MUC4: variants seen among roughly 807,000 people sequenced by gnomAD.
The protein encoded by MUC4 is mucin-4.
MUC4 carries 202 observed loss-of-function variants against 257.9 expected under a neutral mutation model. The observed-to-expected ratio is 0.78, with a 90% CI of 0.70 to 0.88. The LOEUF (loss-of-function observed/expected upper bound fraction) is 0.88. MUC4 is among the 40% of genes least tolerant of loss of function. The probability of loss-of-function intolerance (pLI) is 0.00; values close to 1 mark genes in which losing one functional copy is unlikely to be tolerated. For missense variants in MUC4, 5,976 were observed against 6,513.7 expected (o/e 0.92, Z 2.84); for synonymous variants, 2,351 against 2,757.1 (o/e 0.85, Z 4.62).
At chr3:195,749,886 G>A (rs1179951708) in intron 23 of MUC4, 2 of 152,290 alleles carry the variant, frequency 1.3e-5, no homozygotes, top group African/African-American at 4.8e-5. Flanking sequence ...TGTTAAGTTT[G>A]TGTTTCCTAA....
intron 19 of MUC4, 38 bp from the exon 20 acceptor site, chr3:195,753,268 G>A: frequency 6.3e-7 from 1 of 1,597,800 alleles, no homozygotes; most frequent in Non-Finnish European, 8.6e-7. Context: ...CAGCGCGCAG[G>A]GCAGCAGAGG....
intron 24 of MUC4, among the ~76,000 whole-genome samples, chr3:195,747,845 A>C (rs1319650439): frequency 6.6e-6 from 1 of 152,284 alleles, no homozygotes; most frequent in African/African-American, 2.4e-5. Flanking sequence ...TGGGGGACAG[A>C]GCAAGACTCC....
rs1023520886 is a variant in MUC4 at position 195,757,037 on chromosome 3, C to T, written c.15168+110G>A. ...CTCTACTCACCTACCACTGCTCCACCCATCTCCCAACACAGACACACCCAG... is the reference window on the plus strand; with the variant it reads ...CTCTACTCACCTACCACTGCTCCACTCATCTCCCAACACAGACACACCCAG... On this transcript the variant is annotated intron_variant, in intron 18 of 24. Coordinates refer to ENST00000463781, the MANE Select transcript of MUC4 (RefSeq NM_018406.7). This position sits in a 1 kb window ranked among gnomAD's most constrained non-coding sequence, Gnocchi z 4.8. The T allele has an allele frequency of 8.9e-7, 1 of 1,128,694 alleles. No homozygotes were observed. Among genetic ancestry groups the T allele is most frequent in the African/African-American group, 1.6e-5 (1 of 64,468 alleles). 69.9% of individuals were successfully genotyped at this position (1,128,694 alleles called of 1,614,324 possible). A position where few individuals can be genotyped will look rare whatever the true frequency, so the allele number is the denominator to read the frequency against.
At position 195,750,816 on chromosome 3, in the gene MUC4, G is replaced by GT. The variant is rs1716242653; in HGVS notation, c.15871+72dup. The GT allele has an allele frequency of 2.2e-6, 3 of 1,363,210 alleles. No individual in the cohort carries two copies. In the East Asian group the frequency reaches 7.0e-5, roughly 32 times the overall value. 84.4% of individuals were successfully genotyped at this position (1,363,210 alleles called of 1,614,324 possible). A position where few individuals can be genotyped will look rare whatever the true frequency, so the allele number is the denominator to read the frequency against. ...AGAAAAACTCAATTAGCTTGTTTGT[G>GT]TGGGCTGAAGCACCTCTGTTTGCCC... On this transcript the variant is annotated intron_variant, in intron 23 of 24. Coordinates refer to ENST00000463781, the MANE Select transcript of MUC4 (RefSeq NM_018406.7).
In MUC4 at chr3:195,781,645, G is replaced by A. The variant is rs62282476; in HGVS notation, c.9935C>T (p.Pro3312Leu). Residue 3312 changes from proline (P) to leucine (L), a missense_variant, in exon 2 of 25, where the codon CCT becomes CTT. Physicochemically the swap from Pro to Leu is moderately conservative, Grantham distance 98 (BLOSUM62 -3). Transcript: ENST00000463781. ...TGAGGAAGCGTCGGTGACAAGAAGAGGAGTGGCGTGACCTGTGGATACTGA... is the reference window on the plus strand; with the variant it reads ...TGAGGAAGCGTCGGTGACAAGAAGAAGAGTGGCGTGACCTGTGGATACTGA... The part of the protein sequence containing the change: ...TSSVSTGHAT[P>L]LLVTDASSAS... The A allele has an allele frequency of 4.1e-5, 18 of 443,172 alleles. 2 individuals are homozygous for A. In the African/African-American group the frequency reaches 4.6e-4, roughly 11 times the overall value. 27.5% of individuals were successfully genotyped at this position (443,172 alleles called of 1,614,324 possible). A position where few individuals can be genotyped will look rare whatever the true frequency, so the allele number is the denominator to read the frequency against.
Position 195,790,133 on chromosome 3 carries a change from G to T in MUC4, c.1447C>A (p.His483Asn). ...PGVSQEIFTLHETTTWPSSFS... is the reference protein window; with the variant it reads ...PGVSQEIFTLNETTTWPSSFS... ...GAGGAAGGCCATGTTGTTGTTTCAT[G>T]TAGAGTAAATATTTCTTGAGACACA... The change falls in exon 2 of 25, where the codon CAT (histidine) becomes AAT (asparagine). Residue 483 changes from histidine (H) to asparagine (N), a missense_variant. By Grantham distance (68) the His-to-Asn change is moderately conservative. Transcript: ENST00000463781. 6.2e-7 allele frequency: 1 copy of T among 1,614,010 alleles called. No individual in the cohort carries two copies.
chr3:195,764,589 C>A (rs552686300), intron 10 of MUC4, among the ~76,000 whole-genome samples: 1 of 151,764 alleles, frequency 6.6e-6, no homozygotes. Flanking sequence ...TGCCATGGGA[C>A]GGGGGAGAGA....
At chr3:195,795,635 A>G in intron 1 of MUC4, among the ~76,000 whole-genome samples, 1 of 152,128 alleles carries the variant, frequency 6.6e-6, no homozygotes, top group East Asian at 1.9e-4. Context: ...CGGTCACGAC[A>G]CTGAACTGAG....
chr3:195,784,549 G>A lies in MUC4; in HGVS notation c.7031C>T (p.Ser2344Leu), dbSNP rs1321930717. ...AGGGGTGGCGTGACCTGTGGATGCT[G>A]AGGAAGGGCTAGTGACAGGAAGAGG... ...TTPLPVTSPSSASTGHATPLH... is the reference protein window; with the variant it reads ...TTPLPVTSPSLASTGHATPLH... The change falls in exon 2 of 25, where the codon TCA becomes TTA. Residue 2344 changes from serine to leucine, a missense_variant. Ser to Leu is a moderately radical substitution (Grantham distance 145). Coordinates refer to ENST00000463781, the MANE Select transcript of MUC4 (RefSeq NM_018406.7). The A allele has an allele frequency of 3.3e-6, 5 of 1,533,934 alleles. No homozygotes were observed. Among genetic ancestry groups the A allele is most frequent in the African/African-American group, 1.5e-5 (1 of 68,380 alleles).
rs1725574766 is a variant in MUC4 at position 195,778,602 on chromosome 3, G to C, written c.12791-147C>G. On this transcript the variant is annotated intron_variant, in intron 2 of 24. Transcript: ENST00000463781. ...CATATCCAAACTACTCTCGACATCA[G>C]TGCTTTTCGATTGCGGCACAAAGGA... is the stretch of plus-strand genomic sequence containing the variant. 8.5e-6 allele frequency: 11 copies of C among 1,301,476 alleles called. No homozygotes were observed. The East Asian group carries it at 2.5e-4, about 29-fold the overall frequency. The allele number at this position is 1,301,476 out of a possible 1,614,324, so 80.6% of individuals were successfully genotyped here.
chr3:195,747,329 C>G lies in MUC4; in HGVS notation c.16086G>C (p.Leu5362=). The G allele has an allele frequency of 6.2e-7, 1 of 1,614,092 alleles. No homozygotes were observed. Among genetic ancestry groups the G allele is most frequent in the Non-Finnish European group, 8.5e-7 (1 of 1,179,904 alleles). ...YTAWGEHCEH[L]SMKLDAFFGI... The stretch of plus-strand genomic sequence containing the variant: ...CGAAGAACGCGTCGAGTTTCATGCT[C>G]AGGTGCTCACAGTGCTCGCCCCAGG... The change falls in exon 25 of 25, where the codon CTG becomes CTC. Residue 5362 remains leucine (L), a synonymous_variant. Transcript: ENST00000463781.
Position 195,799,411 on chromosome 3 carries a change from C to T in MUC4, c.83-7914G>A, listed in dbSNP as rs545020472. ...TGCAACCTCCACCTCCGTGATTCTC[C>T]TGCTTCAGCCTCCCAAGTAGCTGGG... On this transcript the variant is annotated intron_variant, in intron 1 of 24. Coordinates refer to ENST00000463781, the MANE Select transcript of MUC4 (RefSeq NM_018406.7). Among the ~76,000 whole-genome samples the T allele has an allele frequency of 4.5e-4, 68 of 152,324 alleles. No homozygotes were observed. In the South Asian group the frequency reaches 0.013, roughly 28 times the overall value.
intron 1 of MUC4, 118 bp downstream of exon 1, chr3:195,811,618 C>A: frequency 2.4e-6 from 2 of 850,926 alleles, no homozygotes; most frequent in East Asian, 2.6e-5. Context: ...TTCGCTGTCT[C>A]CCTTTCCCCT....
chr3:195,772,018 C>A (rs1016640861), intron 4 of MUC4, among the ~76,000 whole-genome samples: 1 of 152,202 alleles, frequency 6.6e-6, no homozygotes. Context: ...CTCAGGCCAT[C>A]CCTTGCGTCC....
chr3:195,759,856 T>C (rs1298968119), intron 16 of MUC4, among the ~76,000 whole-genome samples: 4 of 139,132 alleles, frequency 2.9e-5, no homozygotes, highest in African/African-American at 2.6e-5. Flanking sequence ...GAAGCAGAGG[T>C]TGCGACGAGC....
Position 195,762,174 on chromosome 3 carries a change from T to G in MUC4, c.14425A>C (p.Thr4809Pro). ...TTGGAGAGCGCGATCACCGAGACGG[T>G]GGCCCAGCCGTCGAAGCTGGCCGAG... ...EVSASFDGWA[T>P]VSVIALSNIL... The change falls in exon 14 of 25, where the codon ACC becomes CCC. Residue 4809 changes from threonine (T) to proline (P), a missense_variant. Thr to Pro is a conservative substitution (Grantham distance 38). This residue lies in a region of MUC4 where 996 missense variants were observed against 1,137.3 expected (regional missense o/e 0.88). Transcript: ENST00000463781. 1 of 1,606,198 alleles carries G rather than the reference T, an allele frequency of 6.2e-7. No individual in the cohort carries two copies. The highest frequency in any genetic ancestry group is 8.5e-7 in the Non-Finnish European group (1 of 1,176,936).
rs1553852265 is a variant in MUC4 at position 195,753,128 on chromosome 3, A to C, written c.15431T>G (p.Met5144Arg). 1.2e-6 allele frequency: 2 copies of C among 1,612,808 alleles called. No individual in the cohort carries two copies. The highest frequency in any genetic ancestry group is 1.7e-6 in the Non-Finnish European group (2 of 1,179,600). ...AGTGAAGGCTGGGGGGCAGGTGCACATGGGCTGACAGCCCAGAGTCTGGGA... is the reference window on the plus strand; with the variant it reads ...AGTGAAGGCTGGGGGGCAGGTGCACCTGGGCTGACAGCCCAGAGTCTGGGA... The part of the protein sequence containing the change: ...YISQTLGCQP[M>R]CTCPPAFTDS... The change falls in exon 20 of 25, where the codon ATG (methionine) becomes AGG (arginine). Residue 5144 changes from methionine to arginine, a missense_variant. Met to Arg is a moderately conservative substitution (Grantham distance 91). Transcript: ENST00000463781.
rs1188468011 is a variant in MUC4 at position 195,791,218 on chromosome 3, G to T, written c.362C>A (p.Thr121Lys). ...METAPPDEMT[T>K]SFPSSVTNTL... ...GTTGGTGACACTGGAGGGAAATGAT[G>T]TGGTCATTTCATCTGGAGGAGCTGT... Residue 121 changes from threonine (T) to lysine (K), a missense_variant, in exon 2 of 25, where the codon ACA (threonine) becomes AAA (lysine). This residue lies in a region of MUC4 where 1,583 missense variants were observed against 1,257.4 expected (regional missense o/e 1.26). Transcript: ENST00000463781. 6 of 1,613,690 alleles carry T rather than the reference G, an allele frequency of 3.7e-6. No homozygotes were observed. Among genetic ancestry groups the T allele is most frequent in the Non-Finnish European group, 5.1e-6 (6 of 1,179,642 alleles).
rs201197102 is a variant in MUC4, at chr3:195,783,393, T to A, written c.8187A>T (p.Ser2729=). ...TSLPVTDTSS[S]STGDTTPLLV... ...GAAGAGGGGTGGTGTCACCTGTGGA[T>A]GATGAGGAAGTGTCGGTGACAGGAA... Residue 2729 remains serine (S), a synonymous_variant, in exon 2 of 25, where the codon TCA becomes TCT. Transcript: ENST00000463781. 3 of 928,048 alleles carry A rather than the reference T, an allele frequency of 3.2e-6. 1 individual carries two copies. Among genetic ancestry groups the A allele is most frequent in the African/African-American group, 7.0e-5 (2 of 28,770 alleles). The allele number at this position is 928,048 out of a possible 1,614,324, so 57.5% of individuals were successfully genotyped here.
Sources: gnomAD v4.1 joint callset for allele counts (sites outside exome capture counted in the v4.1 genomes callset) on GRCh38, gnomAD v4.1.1 for gene constraint, gnomAD v4.1.1 regional missense constraint, Gnocchi (gnomAD v3.1) non-coding constraint, MANE v1.5 for transcripts, NCBI Gene and HGNC (gene_info 2026-07-23, HGNC 2026-07-21) for gene names.